Variants in PIAS1 observed in about 807,000 individuals in gnomAD.
PIAS1 encodes the protein protein inhibitor of activated STAT 1.
A neutral mutation model predicts 71.3 loss-of-function variants in PIAS1; 6 were observed. The observed-to-expected ratio is 0.08, with a 90% CI of 0.05 to 0.17. The LOEUF (loss-of-function observed/expected upper bound fraction) is 0.17. Ranked by LOEUF, PIAS1 falls within the 10% of genes least tolerant of loss-of-function variation. The pLI is 1.00. For synonymous variants in PIAS1, 303 were observed against 292.9 expected (o/e 1.03, Z -0.35); for missense variants, 555 against 793.6 (o/e 0.70, Z 3.61).
chr15:68,088,368 T>C (rs774827244), intron 2 of PIAS1, among the ~76,000 whole-genome samples: 1 of 151,786 alleles, frequency 6.6e-6, no homozygotes, highest in Non-Finnish European at 1.5e-5. Flanking sequence ...TAGCAGTGAT[T>C]ATATATTCGC....
chr15:68,114,957 C>T lies in PIAS1; in HGVS notation c.470-26989C>T, dbSNP rs184748536. 7.9e-5 allele frequency among the ~76,000 whole-genome samples: 12 copies of T among 151,974 alleles called. No homozygotes were observed. The East Asian group carries it at 1.2e-3, about 15-fold the overall frequency. ...ATGAAACTTTGATAATTAATACTTA[C>T]GGGGAGATGGTGTTACAAATCTTCT... On this transcript the variant is annotated intron_variant, in intron 2 of 13. Transcript: ENST00000249636.
chr15:68,109,306 A>T (rs1326209401), intron 2 of PIAS1, among the ~76,000 whole-genome samples: 2 of 152,006 alleles, frequency 1.3e-5, no homozygotes, highest in Non-Finnish European at 2.9e-5. Flanking sequence ...CTGCCCTATT[A>T]TTTCCATAAC....
At chr15:68,101,128 G>A (rs1460534091) in intron 2 of PIAS1, among the ~76,000 whole-genome samples, 1 of 152,030 alleles carries the variant, frequency 6.6e-6, no homozygotes, top group Non-Finnish European at 1.5e-5. Flanking sequence ...TCAAACTCCT[G>A]GAGTCAAGTG....
intron 2 of PIAS1, among the ~76,000 whole-genome samples, chr15:68,122,706 ACT>A (rs1189763661): frequency 6.6e-6 from 1 of 152,150 alleles, no homozygotes; most frequent in African/African-American, 2.4e-5. Flanking sequence ...AGATGAGTAG[ACT>A]CTCTTCATAA....
chr15:68,125,160 T>A (rs2092641918), intron 2 of PIAS1, among the ~76,000 whole-genome samples: 1 of 152,212 alleles, frequency 6.6e-6, no homozygotes, highest in Non-Finnish European at 1.5e-5. Context: ...TCTTTTCTTT[T>A]TTTTTCCCCC....
intron 11 of PIAS1, among the ~76,000 whole-genome samples, chr15:68,179,426 T>C (rs2093038713): frequency 6.6e-6 from 1 of 152,124 alleles, no homozygotes; most frequent in Non-Finnish European, 1.5e-5. Flanking sequence ...TTTAACAAAG[T>C]TTCCATTAGA....
chr15:68,116,070 T>C (rs2092562567), intron 2 of PIAS1, among the ~76,000 whole-genome samples: 2 of 152,226 alleles, frequency 1.3e-5, no homozygotes, highest in Non-Finnish European at 1.5e-5. Flanking sequence ...TTCTTTCTTT[T>C]CCATTTTTTT....
chr15:68,175,790 G>A lies in PIAS1; in HGVS notation c.1300+23G>A, dbSNP rs747621334. 3.2e-6 allele frequency: 5 copies of A among 1,577,988 alleles called. 1 individual carries two copies. The South Asian group carries it at 5.8e-5, about 18-fold the overall frequency. On this transcript the variant is annotated intron_variant, in intron 10 of 13. Transcript: ENST00000249636. ...ATGGTGAGTAGTTCTTCACAAGGAA[G>A]AGGCAGTCTCCCTACTGCTCTAAGT...
chr15:68,064,814 T>TA (rs934196323), intron 1 of PIAS1, among the ~76,000 whole-genome samples: 2 of 152,230 alleles, frequency 1.3e-5, no homozygotes, highest in African/African-American at 4.8e-5. Context: ...AGCTAGATGT[T>TA]AAAGAGATTT....
intron 12 of PIAS1, among the ~76,000 whole-genome samples, chr15:68,183,362 G>A (rs1831776601): frequency 6.6e-6 from 1 of 152,188 alleles, no homozygotes; most frequent in Non-Finnish European, 1.5e-5. Flanking sequence ...GCCCGTTTAA[G>A]GATCAGTGTT....
chr15:68,056,783 A>T (rs928427195), intron 1 of PIAS1, among the ~76,000 whole-genome samples: 2 of 152,168 alleles, frequency 1.3e-5, no homozygotes, highest in Admixed American at 1.3e-4. Context: ...GAGAATGTGT[A>T]TATATAATTT....
intron 7 of PIAS1, among the ~76,000 whole-genome samples, chr15:68,155,521 A>T (rs2141065943): frequency 6.6e-6 from 1 of 152,126 alleles, no homozygotes; most frequent in South Asian, 2.1e-4. Context: ...GTTTACAATA[A>T]CTTGACAAAA....
intron 8 of PIAS1, among the ~76,000 whole-genome samples, chr15:68,169,080 T>G (rs1440420159): frequency 6.6e-6 from 1 of 152,248 alleles, no homozygotes; most frequent in Non-Finnish European, 1.5e-5. Flanking sequence ...GTCTGATAGT[T>G]CTACAGTTCA....
chr15:68,111,440 G>C (rs2092522705), intron 2 of PIAS1, among the ~76,000 whole-genome samples: 2 of 152,154 alleles, frequency 1.3e-5, no homozygotes, highest in Admixed American at 1.3e-4. Context: ...TGAATAAGCA[G>C]TTAATAAAGT....
chr15:68,061,520 G>A (rs1353145474), intron 1 of PIAS1: 1 of 152,086 alleles, frequency 6.6e-6, no homozygotes, highest in Admixed American at 6.6e-5. Context: ...TTATTTTTCA[G>A]CTTTTCTTTA....
chr15:68,144,070 G>A, intron 4 of PIAS1, among the ~76,000 whole-genome samples: 1 of 150,802 alleles, frequency 6.6e-6, no homozygotes, highest in South Asian at 2.1e-4. Flanking sequence ...GAGATTCCAA[G>A]GGTATCTTGA....
chr15:68,116,104 G>A (rs983818546), intron 2 of PIAS1, among the ~76,000 whole-genome samples: 2 of 151,380 alleles, frequency 1.3e-5, no homozygotes, highest in Non-Finnish European at 3.0e-5. Flanking sequence ...GGAAGAGTTT[G>A]TGTAGAATCA....
At chr15:68,110,240 T>G (rs933741352) in intron 2 of PIAS1, among the ~76,000 whole-genome samples, 2 of 152,106 alleles carry the variant, frequency 1.3e-5, no homozygotes, top group African/African-American at 4.8e-5. Flanking sequence ...CAGGACCTAT[T>G]TGAAGAAAAA....
At chr15:68,133,605 T>C (rs1374899673) in intron 2 of PIAS1, among the ~76,000 whole-genome samples, 3 of 152,072 alleles carry the variant, frequency 2.0e-5, no homozygotes, top group African/African-American at 7.2e-5. Flanking sequence ...CACATATCCA[T>C]AGGGAAGGGA....
Sources: allele counts gnomAD v4.1 joint callset (sites outside exome capture counted in the v4.1 genomes callset), GRCh38; gene constraint gnomAD v4.1.1; transcripts MANE v1.5; gene names NCBI Gene and HGNC (gene_info 2026-07-23, HGNC 2026-07-21).